Variants in TTLL11 observed in about 807,000 individuals in gnomAD.
TTLL11 encodes the protein tubulin polyglutamylase TTLL11.
In TTLL11, 42 loss-of-function variants were observed where a neutral mutation model predicts 51.7. The observed-to-expected ratio is 0.81, with a 90% CI of 0.64 to 1.05. TTLL11 has a LOEUF of 1.05. Among genes scored for constraint, TTLL11 ranks in the 50% least tolerant of loss-of-function variants. The pLI, the probability that TTLL11 is intolerant of heterozygous loss-of-function variation, is 0.00. For synonymous variants in TTLL11, 381 were observed against 383.5 expected, an observed-to-expected ratio of 0.99 and a Z score of 0.08; for missense variants, 799 against 940.4, an observed-to-expected ratio of 0.85 and a Z score of 1.97.
intron 6 of TTLL11, among the ~76,000 whole-genome samples, chr9:121,920,928 C>T (rs145567260): frequency 6.6e-6 from 1 of 152,336 alleles, no homozygotes; most frequent in East Asian, 1.9e-4. Context: ...GAGAGAGCGT[C>T]TAGCTAATGC....
At chr9:122,088,762 T>G (rs1346186840) in intron 1 of TTLL11, among the ~76,000 whole-genome samples, 1 of 152,128 alleles carries the variant, frequency 6.6e-6, no homozygotes. Context: ...TCCCAGCATT[T>G]TGAGAGGCCG....
chr9:121,888,600 G>A (rs562865607), intron 6 of TTLL11, among the ~76,000 whole-genome samples: 1 of 152,362 alleles, frequency 6.6e-6, no homozygotes, highest in African/African-American at 2.4e-5. Flanking sequence ...GGCTGAATCA[G>A]TCCCCTTTGT....
rs1836554681 is a variant in TTLL11, at chr9:121,820,770, T to C, written c.*1817A>G. Among the ~76,000 whole-genome samples the C allele has an allele frequency of 1.3e-5, 2 of 151,594 alleles. No homozygotes were observed. The highest frequency in any genetic ancestry group is 1.3e-4 in the Admixed American group (2 of 15,206). ...CACTCGACACACCTCAGGAGGCACA[T>C]CCTGCCAGTGCCACCTTCCCACCTG... On this transcript the variant is annotated 3_prime_UTR_variant, in exon 9 of 9. Transcript: ENST00000321582.
At chr9:121,880,723 A>G (rs1365334060) in intron 6 of TTLL11, among the ~76,000 whole-genome samples, 3 of 152,254 alleles carry the variant, frequency 2.0e-5, no homozygotes, top group Non-Finnish European at 4.4e-5. Context: ...AGCTCCCAGT[A>G]CGCAGTAGGT....
intron 6 of TTLL11, among the ~76,000 whole-genome samples, chr9:121,956,295 G>A (rs1842012467): frequency 6.6e-6 from 1 of 152,228 alleles, no homozygotes; most frequent in African/African-American, 2.4e-5. Flanking sequence ...AAGAATTGTT[G>A]TAAGATGGTG....
intron 2 of TTLL11, among the ~76,000 whole-genome samples, chr9:122,034,369 A>G (rs142140942): frequency 5.9e-5 from 9 of 152,326 alleles, no homozygotes; most frequent in African/African-American, 2.2e-4. Flanking sequence ...ACACCAGCTA[A>G]TAGGTGTTTC....
rs1491244955 is a variant in TTLL11 at position 121,826,218 on chromosome 9, G to GCACA, written c.1841-3343_1841-3340dup. Among the ~76,000 whole-genome samples, 84 of 58,532 alleles carry GCACA rather than the reference G, an allele frequency of 1.4e-3. 7 individuals carry two copies. Among genetic ancestry groups the GCACA allele is most frequent in the East Asian group, 6.0e-3 (12 of 1,998 alleles). The allele number at this position is 58,532 out of a possible 152,430, so 38.4% of individuals were successfully genotyped here. ...TATATATATATATATATATATATAT[G>GCACA]CACACATATATATATACACGCACAT... On this transcript the variant is annotated intron_variant, in intron 8 of 8. Transcript: ENST00000321582.
At chr9:121,907,149 T>C (rs1588115429) in intron 6 of TTLL11, among the ~76,000 whole-genome samples, 1 of 152,016 alleles carries the variant, frequency 6.6e-6, no homozygotes, top group South Asian at 2.1e-4. Flanking sequence ...TCCACCAGGG[T>C]CTGTGGCAAT....
At position 121,822,573 on chromosome 9, in the gene TTLL11, G is replaced by A; in HGVS notation, c.*14C>T. The A allele has an allele frequency of 7.0e-7, 1 of 1,432,186 alleles. No individual in the cohort carries two copies. The highest frequency in any genetic ancestry group is 2.6e-5 in the East Asian group (1 of 37,984). 88.7% of individuals were successfully genotyped at this position (1,432,186 alleles called of 1,614,324 possible). A position where few individuals can be genotyped will look rare whatever the true frequency, so the allele number is the denominator to read the frequency against. On this transcript the variant is annotated 3_prime_UTR_variant, in exon 9 of 9. Transcript: ENST00000321582. This position sits in a 1 kb window ranked among gnomAD's most constrained non-coding sequence, Gnocchi z 5.8. ...TGCTCTCGTCTTCCGTTTTCCAGGAGGACAGAGTGGCCCTCAGGACAGGGT... is the reference window on the plus strand; with the variant it reads ...TGCTCTCGTCTTCCGTTTTCCAGGAAGACAGAGTGGCCCTCAGGACAGGGT...
chr9:121,885,805 G>GGCA (rs1437283954), intron 6 of TTLL11, among the ~76,000 whole-genome samples: 1 of 152,040 alleles, frequency 6.6e-6, no homozygotes, highest in African/African-American at 2.4e-5. Flanking sequence ...TATGGCTCAC[G>GGCA]GCAGCCCCAA....
At chr9:121,935,931 C>T (rs1469570448) in intron 6 of TTLL11, among the ~76,000 whole-genome samples, 1 of 152,158 alleles carries the variant, frequency 6.6e-6, no homozygotes, top group Non-Finnish European at 1.5e-5. Context: ...GACAGGTCTC[C>T]AGGTACCCGG....
In TTLL11 at chr9:121,820,205, GATTTT is replaced by G. The variant is rs560988823; in HGVS notation, c.*2377_*2381del. ...CAAGGTGGCTGGAATTCAACCTCTT[GATTTT>G]ATTTTTCAAAATATTCAATGTGCTT... On this transcript the variant is annotated 3_prime_UTR_variant, in exon 9 of 9. Transcript: ENST00000321582. Among the ~76,000 whole-genome samples, 3 of 152,326 alleles carry G rather than the reference GATTTT, an allele frequency of 2.0e-5. No homozygotes were observed. The highest frequency in any genetic ancestry group is 7.2e-5 in the African/African-American group (3 of 41,586).
chr9:121,968,994 C>G (rs940233113), intron 6 of TTLL11, among the ~76,000 whole-genome samples: 1 of 151,970 alleles, frequency 6.6e-6, no homozygotes, highest in African/African-American at 2.4e-5. Flanking sequence ...CTCAGCCTCT[C>G]AAGTAGCTGG....
intron 6 of TTLL11, among the ~76,000 whole-genome samples, chr9:121,910,034 G>T (rs1346138053): frequency 6.6e-6 from 1 of 152,178 alleles, no homozygotes; most frequent in Non-Finnish European, 1.5e-5. Flanking sequence ...AGGCAATAAT[G>T]TAAGGTATGT....
intron 8 of TTLL11, among the ~76,000 whole-genome samples, chr9:121,831,181 T>G (rs1365015107): frequency 6.6e-6 from 1 of 152,194 alleles, no homozygotes; most frequent in Non-Finnish European, 1.5e-5. Context: ...GGTCAATGGT[T>G]TTCAAACATT....
At chr9:122,026,909 T>TA (rs57149192) in intron 3 of TTLL11, among the ~76,000 whole-genome samples, 2,983 of 119,768 alleles carry the variant, frequency 0.025, 95 homozygotes, top group South Asian at 0.14. Context: ...AAGTTCATTC[T>TA]AAAAAAAAAA....
At chr9:122,062,305 A>C (rs1309741144) in intron 1 of TTLL11, among the ~76,000 whole-genome samples, 1 of 152,104 alleles carries the variant, frequency 6.6e-6, no homozygotes, top group South Asian at 2.1e-4. Context: ...TCCCAGCCTC[A>C]GTGCTAGGAA....
intron 8 of TTLL11, among the ~76,000 whole-genome samples, chr9:121,827,922 T>TCTGG (rs371468345): frequency 2.1e-3 from 315 of 152,346 alleles, no homozygotes; most frequent in African/African-American, 7.3e-3. Flanking sequence ...GACTGTCCCC[T>TCTGG]CTGGCTGCAG....
At chr9:121,988,351 G>A (rs553745189) in intron 4 of TTLL11, among the ~76,000 whole-genome samples, 1 of 151,824 alleles carries the variant, frequency 6.6e-6, no homozygotes, top group African/African-American at 2.4e-5. Flanking sequence ...AAATTCTCCA[G>A]GGACCACCCC....
Sources: gnomAD v4.1 joint callset for allele counts (sites outside exome capture counted in the v4.1 genomes callset) on GRCh38, gnomAD v4.1.1 for gene constraint, Gnocchi (gnomAD v3.1) non-coding constraint, MANE v1.5 for transcripts, NCBI Gene and HGNC (gene_info 2026-07-23, HGNC 2026-07-21) for gene names.